The following LAPTM4B variants were observed in gnomAD, a reference collection of about 807,000 sequenced individuals.
The protein encoded by LAPTM4B is lysosomal-associated transmembrane protein 4B.
A neutral mutation model predicts 28.5 loss-of-function variants in LAPTM4B; 26 were observed. The ratio of observed to expected loss-of-function variants is 0.91; its 90% CI spans 0.67 to 1.27. The LOEUF (loss-of-function observed/expected upper bound fraction) is 1.27. Ranked by LOEUF, LAPTM4B falls within the 50% of genes most tolerant of loss-of-function variation. The probability of loss-of-function intolerance (pLI) is 0.00; values close to 1 mark genes in which losing one functional copy is unlikely to be tolerated. For missense variants in LAPTM4B, 288 were observed against 285.8 expected (o/e 1.01, Z -0.06); for synonymous variants, 109 against 106.4 (o/e 1.02, Z -0.15).
intron 1 of LAPTM4B, among the ~76,000 whole-genome samples, chr8:97,797,572 T>C (rs1347378732): frequency 6.6e-6 from 1 of 152,254 alleles, no homozygotes; most frequent in Admixed American, 6.5e-5. Flanking sequence ...GTCATTCTAC[T>C]TTTGTTTCAA....
At chr8:97,789,182 T>A (rs575872533) in intron 1 of LAPTM4B, among the ~76,000 whole-genome samples, 4 of 151,724 alleles carry the variant, frequency 2.6e-5, no homozygotes, top group African/African-American at 9.7e-5. Context: ...CAAGCGATTG[T>A]CCTGCCTCAG....
At chr8:97,804,548 C>G (rs1420454818) in intron 1 of LAPTM4B, among the ~76,000 whole-genome samples, 1 of 152,182 alleles carries the variant, frequency 6.6e-6, no homozygotes, top group Non-Finnish European at 1.5e-5. Flanking sequence ...CCTCAGTTTG[C>G]TATGTATAAC....
chr8:97,846,607 G>A (rs551791554), intron 6 of LAPTM4B, among the ~76,000 whole-genome samples: 13 of 152,286 alleles, frequency 8.5e-5, no homozygotes, highest in South Asian at 4.1e-4. Flanking sequence ...AATTACAGGC[G>A]TGAGCCACTG....
intron 6 of LAPTM4B, among the ~76,000 whole-genome samples, chr8:97,827,846 G>A (rs2513959): frequency 0.47 from 71,403 of 151,836 alleles, 17,058 homozygotes; most frequent in East Asian, 0.57. Context: ...GTTAGGGGCC[G>A]TTTATTGCGG....
At chr8:97,789,411 A>C (rs1196182723) in intron 1 of LAPTM4B, among the ~76,000 whole-genome samples, 2 of 151,582 alleles carry the variant, frequency 1.3e-5, no homozygotes, top group African/African-American at 4.8e-5. Flanking sequence ...CCCAGGCTGG[A>C]GCGCAGTGGT....
chr8:97,779,527 C>T (rs969927026), intron 1 of LAPTM4B, among the ~76,000 whole-genome samples: 3 of 151,496 alleles, frequency 2.0e-5, no homozygotes, highest in Non-Finnish European at 4.4e-5. Flanking sequence ...CAGAGGCTCA[C>T]GCCTGTAAGC....
rs1563599709 is a variant in LAPTM4B, at chr8:97,782,949, T to TA, written c.99+6841_99+6842insA. Reference sequence around the variant, plus strand: ...TTATTTATTTATTTATTTATTTATTTTTTAGTAGAGACGGGGTTTCTCCAT... The same window carrying TA: ...TTATTTATTTATTTATTTATTTATTTATTTAGTAGAGACGGGGTTTCTCCAT... On this transcript the variant is annotated intron_variant, in intron 1 of 6. Transcript: ENST00000521545. Among the ~76,000 whole-genome samples, 283 of 147,544 alleles carry TA rather than the reference T, an allele frequency of 1.9e-3. 1 individual carries two copies. The highest frequency in any genetic ancestry group is 6.5e-3 in the African/African-American group (260 of 40,246).
intron 6 of LAPTM4B, among the ~76,000 whole-genome samples, chr8:97,845,910 T>C (rs1360952112): frequency 1.5e-5 from 1 of 68,788 alleles, no homozygotes; most frequent in Non-Finnish European, 2.8e-5. Context: ...TCCCCTTCCC[T>C]TCGACAGGGT....
chr8:97,783,803 C>T (rs1045974229), intron 1 of LAPTM4B, among the ~76,000 whole-genome samples: 1 of 152,204 alleles, frequency 6.6e-6, no homozygotes, highest in Non-Finnish European at 1.5e-5. Context: ...CTTTCTGTAA[C>T]TTCAGAAAGA....
At chr8:97,777,169 CAG>C (rs1364572087) in intron 1 of LAPTM4B, among the ~76,000 whole-genome samples, 9 of 71,826 alleles carry the variant, frequency 1.3e-4, no homozygotes, top group African/African-American at 4.8e-4. Context: ...TTTTTTGAGA[CAG>C]AGTCTCACTC....
intron 1 of LAPTM4B, among the ~76,000 whole-genome samples, chr8:97,801,843 C>CAAAA (rs34138394): frequency 5.3e-5 from 7 of 131,348 alleles, no homozygotes; most frequent in Admixed American, 8.1e-5. Context: ...AACTCCATCT[C>CAAAA]AAAAAAAAAA....
intron 5 of LAPTM4B, among the ~76,000 whole-genome samples, chr8:97,824,287 T>C (rs754813879): frequency 1.5e-4 from 23 of 152,204 alleles, no homozygotes; most frequent in Non-Finnish European, 2.8e-4. Flanking sequence ...GCTGCAACCA[T>C]TTTACATTCT....
intron 2 of LAPTM4B, among the ~76,000 whole-genome samples, chr8:97,811,055 A>G (rs1212383538): frequency 6.6e-6 from 1 of 152,252 alleles, no homozygotes; most frequent in African/African-American, 2.4e-5. Flanking sequence ...TTACAGCTAC[A>G]GTAGTAAATT....
At chr8:97,802,903 GA>G (rs1254925061) in intron 1 of LAPTM4B, among the ~76,000 whole-genome samples, 1 of 151,960 alleles carries the variant, frequency 6.6e-6, no homozygotes, top group East Asian at 1.9e-4. Flanking sequence ...AATACAGGAA[GA>G]AAAAAAGTTA....
At chr8:97,832,923 C>T (rs1334564980) in intron 6 of LAPTM4B, among the ~76,000 whole-genome samples, 2 of 149,256 alleles carry the variant, frequency 1.3e-5, no homozygotes, top group African/African-American at 4.9e-5. Flanking sequence ...CCAGGCTGGT[C>T]TCGAACTCCT....
At chr8:97,828,428 A>G (rs892447013) in intron 6 of LAPTM4B, among the ~76,000 whole-genome samples, 2 of 152,178 alleles carry the variant, frequency 1.3e-5, no homozygotes, top group East Asian at 1.9e-4. Flanking sequence ...CTGAAAAGAC[A>G]AGGTCCGAAT....
intron 1 of LAPTM4B, among the ~76,000 whole-genome samples, chr8:97,799,679 T>G (rs1185549801): frequency 6.6e-6 from 1 of 152,188 alleles, no homozygotes; most frequent in East Asian, 1.9e-4. Context: ...AGTTTGTTCT[T>G]TCTAACAACA....
intron 6 of LAPTM4B, among the ~76,000 whole-genome samples, chr8:97,826,960 A>G (rs1817099883): frequency 6.6e-6 from 1 of 152,242 alleles, no homozygotes; most frequent in Non-Finnish European, 1.5e-5. Context: ...AAGTTTGAAG[A>G]ACCAGTAAAG....
chr8:97,829,482 G>A (rs1406891484), intron 6 of LAPTM4B, among the ~76,000 whole-genome samples: 7 of 152,182 alleles, frequency 4.6e-5, no homozygotes, highest in East Asian at 3.9e-4. Flanking sequence ...TAAGGAAGAC[G>A]GGAGGTTACC....
Sources: gnomAD v4.1 joint callset for allele counts (sites outside exome capture counted in the v4.1 genomes callset) on GRCh38, gnomAD v4.1.1 for gene constraint, MANE v1.5 for transcripts, NCBI Gene and HGNC (gene_info 2026-07-23, HGNC 2026-07-21) for gene names.